GABRB3: variants seen among roughly 807,000 people sequenced by gnomAD.
GABRB3 encodes gamma-aminobutyric acid type A receptor subunit beta3.
In GABRB3, 14 loss-of-function variants were observed where a neutral mutation model predicts 52.1. The observed-to-expected ratio is 0.27, with a 90% CI of 0.18 to 0.42. GABRB3 has a LOEUF of 0.42. Among genes scored for constraint, GABRB3 ranks in the 10% least tolerant of loss-of-function variants. GABRB3 has a pLI of 1.00. For synonymous variants in GABRB3, 260 were observed against 232.3 expected (o/e 1.12, Z -1.08); for missense variants, 307 against 609.1 (o/e 0.50, Z 5.22).
At chr15:26,624,551 C>T in intron 3 of GABRB3, 2 of 985,464 alleles carry the variant, frequency 2.0e-6, no homozygotes, top group Non-Finnish European at 2.4e-6. Flanking sequence ...GACTGTGTCG[C>T]TCTCCGCACC....
Position 26,700,778 on chromosome 15 carries a change from A to C in GABRB3, c.240+71624T>G, listed in dbSNP as rs10083631. Among the ~76,000 whole-genome samples, 53 of 152,350 alleles carry C rather than the reference A, an allele frequency of 3.5e-4. No individual in the cohort carries two copies. In the East Asian group the frequency reaches 7.1e-3, roughly 21 times the overall value. ...TCCTTGTCTTACAAAACTCTCGGCCAGGTACAGTGGCTCACGCCTGTAATC... is the reference window on the plus strand; with the variant it reads ...TCCTTGTCTTACAAAACTCTCGGCCCGGTACAGTGGCTCACGCCTGTAATC... On this transcript the variant is annotated intron_variant, in intron 3 of 8. Transcript: ENST00000311550.
chr15:26,708,293 A>C (rs945828907), intron 3 of GABRB3, among the ~76,000 whole-genome samples: 10 of 152,186 alleles, frequency 6.6e-5, no homozygotes, highest in Non-Finnish European at 1.3e-4. Flanking sequence ...CTAAGAAATG[A>C]TGAAGCAGAA....
At chr15:26,550,560 G>C (rs1048875603) in intron 8 of GABRB3, among the ~76,000 whole-genome samples, 28 of 152,190 alleles carry the variant, frequency 1.8e-4, no homozygotes, top group African/African-American at 6.0e-4. Context: ...AATTAGTACA[G>C]CCATTATGGA....
At chr15:26,548,413 A>G (rs1889340132) in intron 8 of GABRB3, among the ~76,000 whole-genome samples, 1 of 152,206 alleles carries the variant, frequency 6.6e-6, no homozygotes, top group Admixed American at 6.5e-5. Context: ...TATGGATACA[A>G]ATCCTTACTG....
chr15:26,609,099 CACAT>C (rs58253162), intron 4 of GABRB3, among the ~76,000 whole-genome samples: 17,549 of 68,532 alleles, frequency 0.26, 1,891 homozygotes, highest in East Asian at 0.72. Context: ...CACACACACA[CACAT>C]ACACACACAC....
At chr15:26,703,111 T>C (rs1485051780) in intron 3 of GABRB3, among the ~76,000 whole-genome samples, 1 of 152,204 alleles carries the variant, frequency 6.6e-6, no homozygotes, top group Non-Finnish European at 1.5e-5. Context: ...ACCTCCCAAA[T>C]GCCCCACCTC....
intron 3 of GABRB3, among the ~76,000 whole-genome samples, chr15:26,771,480 T>C (rs1265238255): frequency 6.6e-6 from 1 of 152,188 alleles, no homozygotes; most frequent in African/African-American, 2.4e-5. Flanking sequence ...CCAAACAATT[T>C]CTTCCAAAAA....
Position 26,545,752 on chromosome 15 carries a change from A to G in GABRB3, c.*2041T>C, listed in dbSNP as rs897318957. The G allele has an allele frequency of 2.2e-4, 34 of 152,568 alleles. No homozygotes were observed. The highest frequency in any genetic ancestry group is 8.2e-4 in the African/African-American group (34 of 41,402). The allele number at this position is 152,568 out of a possible 1,614,324, so 9.5% of individuals were successfully genotyped here. A position where few individuals can be genotyped will look rare whatever the true frequency, so the allele number is the denominator to read the frequency against. On this transcript the variant is annotated 3_prime_UTR_variant, in exon 9 of 9. Coordinates refer to ENST00000311550, the MANE Select transcript of GABRB3 (RefSeq NM_000814.6). ...TAGGATCCCCCATTGTTACCCATGG[A>G]AAAAATGGTCAGAGAAAAGCCAAAG...
intron 3 of GABRB3, among the ~76,000 whole-genome samples, chr15:26,666,846 G>A (rs372497787): frequency 9.2e-5 from 14 of 152,260 alleles, no homozygotes; most frequent in East Asian, 1.9e-4. Context: ...GAAGCCAGTC[G>A]CTTCACGGCC....
At chr15:26,609,647 C>T (rs1891990707) in intron 4 of GABRB3, among the ~76,000 whole-genome samples, 1 of 152,004 alleles carries the variant, frequency 6.6e-6, no homozygotes, top group Admixed American at 6.6e-5. Flanking sequence ...AAATAAAGGA[C>T]TTCCCATATT....
chr15:26,736,247 CA>C (rs1353159649), intron 3 of GABRB3, among the ~76,000 whole-genome samples: 1 of 152,104 alleles, frequency 6.6e-6, no homozygotes, highest in African/African-American at 2.4e-5. Context: ...TATTTTACCT[CA>C]ATAAAAATAA....
chr15:26,768,062 T>C (rs1595360616), intron 3 of GABRB3, among the ~76,000 whole-genome samples: 1 of 152,066 alleles, frequency 6.6e-6, no homozygotes, highest in African/African-American at 2.4e-5. Context: ...AAGTGAGAAG[T>C]GCACACAAAA....
At position 26,772,937 on chromosome 15, in the gene GABRB3, A is replaced by G; in HGVS notation, c.26T>C (p.Leu9Pro). 1 of 1,484,844 alleles carries G rather than the reference A, an allele frequency of 6.7e-7. No homozygotes were observed. The highest frequency in any genetic ancestry group is 2.1e-5 in the Admixed American group (1 of 46,988). 92.0% of individuals were successfully genotyped at this position (1,484,844 alleles called of 1,614,324 possible). ...CACCGGGGCCGAGAAGATGCCGAAA[A>G]GCCTTCCTCCCGCAAGGCCCCACAT... MWGLAGGR[L>P]FGIFSAPVLV... Residue 9 changes from leucine to proline, a missense_variant, in exon 1 of 9, where the codon CTT becomes CCT. Physicochemically the swap from Leu to Pro is moderately conservative, Grantham distance 98. Around this residue, in one of 6 missense-constraint regions of GABRB3, gnomAD observed 90 missense variants for 86.4 expected, o/e 1.04. Transcript: ENST00000311550.
intron 3 of GABRB3, among the ~76,000 whole-genome samples, chr15:26,645,446 T>C (rs551906729): frequency 3.3e-5 from 5 of 152,160 alleles, no homozygotes; most frequent in Non-Finnish European, 7.3e-5. Context: ...TGGTGATGGG[T>C]GCAGATGCAA....
At chr15:26,616,981 T>C (rs574101699) in intron 4 of GABRB3, among the ~76,000 whole-genome samples, 1 of 152,144 alleles carries the variant, frequency 6.6e-6, no homozygotes, top group Admixed American at 6.5e-5. Context: ...AAAGTGTATG[T>C]GTCGAGGAAT....
intron 3 of GABRB3, among the ~76,000 whole-genome samples, chr15:26,687,408 G>GA (rs1888439955): frequency 6.6e-6 from 1 of 152,142 alleles, no homozygotes; most frequent in African/African-American, 2.4e-5. Flanking sequence ...CAAAAGAGGT[G>GA]ACGCTAACAG....
Position 26,668,694 on chromosome 15 carries a change from AT to A in GABRB3, c.241-47161del, listed in dbSNP as rs1305525183. The stretch of plus-strand genomic sequence containing the variant: ...TAATACATAGCTAAGATTAAATCAT[AT>A]GTAAATAGAGTTCCCTAATCAAGGG... On this transcript the variant is annotated intron_variant, in intron 3 of 8. Coordinates refer to ENST00000311550, the MANE Select transcript of GABRB3 (RefSeq NM_000814.6). Among the ~76,000 whole-genome samples the A allele has an allele frequency of 2.6e-5, 4 of 152,226 alleles. No homozygotes were observed. The East Asian group carries it at 5.8e-4, about 22-fold the overall frequency.
intron 3 of GABRB3, among the ~76,000 whole-genome samples, chr15:26,700,105 AAAAC>A (rs1327261099): frequency 6.6e-6 from 1 of 152,156 alleles, no homozygotes; most frequent in Non-Finnish European, 1.5e-5. Flanking sequence ...ATAAGGAAAA[AAAAC>A]AAACAAAACA....
At chr15:26,745,602 G>T (rs930924224) in intron 3 of GABRB3, among the ~76,000 whole-genome samples, 3 of 152,122 alleles carry the variant, frequency 2.0e-5, no homozygotes, top group African/African-American at 7.2e-5. Flanking sequence ...AAGGCTCCGG[G>T]TGTCACCTTC....
Sources: gnomAD v4.1 joint callset for allele counts (sites outside exome capture counted in the v4.1 genomes callset) on GRCh38, gnomAD v4.1.1 for gene constraint, gnomAD v4.1.1 regional missense constraint, MANE v1.5 for transcripts, NCBI Gene and HGNC (gene_info 2026-07-23, HGNC 2026-07-21) for gene names.